The following ACOT11 variants were observed in gnomAD, a reference collection of about 807,000 sequenced individuals.
ACOT11 encodes acyl-CoA thioesterase 11.
ACOT11 carries 69 observed loss-of-function variants against 77.5 expected under a neutral mutation model. The ratio of observed to expected loss-of-function variants is 0.89; its 90% CI spans 0.73 to 1.09. ACOT11 has a LOEUF of 1.09. Ranked by LOEUF, ACOT11 falls within the 50% of genes least tolerant of loss-of-function variation. ACOT11 has a pLI of 0.00. For synonymous variants in ACOT11, 279 were observed against 313.0 expected, an observed-to-expected ratio of 0.89 and a Z score of 1.15; for missense variants, 766 against 813.7, an observed-to-expected ratio of 0.94 and a Z score of 0.71.
Position 54,601,250 on chromosome 1 carries a change from C to A in ACOT11, c.885-19C>A. The stretch of plus-strand genomic sequence containing the variant: ...TGGGAAGGTCTGTCCAGGTTGGAAG[C>A]CACACTCCCTCCCCTCAGCATGGAG... On this transcript the variant is annotated intron_variant, in intron 8 of 15. Coordinates refer to ENST00000343744, the MANE Select transcript of ACOT11 (RefSeq NM_147161.4). 2 of 1,604,896 alleles carry A rather than the reference C, an allele frequency of 1.2e-6. No homozygotes were observed.
At chr1:54,573,707 T>C (rs1654001719) in intron 1 of ACOT11, among the ~76,000 whole-genome samples, 1 of 151,844 alleles carries the variant, frequency 6.6e-6, no homozygotes, top group Non-Finnish European at 1.5e-5. Flanking sequence ...CATTCCAGCC[T>C]GGGTGACAGA....
chr1:54,572,539 G>A (rs1205361073), intron 1 of ACOT11, among the ~76,000 whole-genome samples: 1 of 152,156 alleles, frequency 6.6e-6, no homozygotes, highest in Non-Finnish European at 1.5e-5. Flanking sequence ...CATGGGTTCT[G>A]TACTGGGTGC....
At chr1:54,567,564 C>A (rs1351186186) in intron 1 of ACOT11, among the ~76,000 whole-genome samples, 1 of 152,162 alleles carries the variant, frequency 6.6e-6, no homozygotes, top group African/African-American at 2.4e-5. Flanking sequence ...CAGGCGTGAG[C>A]CACTGTGCCT....
At chr1:54,597,143 T>C in intron 6 of ACOT11, 116 bp from the exon 7 acceptor site, 1 of 1,350,386 alleles carries the variant, frequency 7.4e-7, no homozygotes, top group South Asian at 1.2e-5. Flanking sequence ...GCTGAGTAAA[T>C]AAAAGAACCT....
At chr1:54,611,616 CT>C (rs1182274513), downstream of ACOT11, 3 of 1,613,994 alleles carry the variant, frequency 1.9e-6, no homozygotes, top group Non-Finnish European at 2.5e-6. Context: ...AGGCCAGCTG[CT>C]TGAACTGTGA....
At chr1:54,611,775 G>C (rs1644121609), downstream of ACOT11, 2 of 1,613,050 alleles carry the variant, frequency 1.2e-6, no homozygotes, top group East Asian at 2.2e-5. Flanking sequence ...CTCAGTGCCT[G>C]TCTGGGCCCA....
chr1:54,634,763 C>T lies in ACOT11; in HGVS notation c.*34C>T, dbSNP rs1644321664. ...CATGAGCCAGATGCCAAGGAAGAGA[C>T]TCTGGGAGGATCCAGAGGACCCCCT... is the stretch of plus-strand genomic sequence containing the variant. On this transcript the variant is annotated 3_prime_UTR_variant, in exon 17 of 17. Coordinates refer to the ACOT11 transcript ENST00000371316. 5.7e-6 allele frequency: 4 copies of T among 701,326 alleles called. No individual in the cohort carries two copies. In the East Asian group the frequency reaches 8.1e-5, roughly 14 times the overall value. 43.4% of individuals were successfully genotyped at this position (701,326 alleles called of 1,614,324 possible).
chr1:54,638,460 C>T (rs767631232), exon 17 of ACOT11: 1 of 152,168 alleles, frequency 6.6e-6, no homozygotes, highest in African/African-American at 2.4e-5. Context: ...CGGGTTCAGG[C>T]AATTCTTGTG....
At chr1:54,623,509 C>T (rs1000157062) in intron 15 of ACOT11, 8 of 769,374 alleles carry the variant, frequency 1.0e-5, no homozygotes, top group East Asian at 2.4e-5. Flanking sequence ...AATTCTCCAC[C>T]GGGCCTGGTC....
chr1:54,613,402 G>A (rs147860374), downstream of ACOT11, among the ~76,000 whole-genome samples: 498 of 150,922 alleles, frequency 3.3e-3, 2 homozygotes, highest in Non-Finnish European at 5.9e-3. Context: ...TTTTTTTCCT[G>A]TCTTCCTGCT....
At chr1:54,596,327 C>T (rs1654896381) in intron 6 of ACOT11, among the ~76,000 whole-genome samples, 1 of 152,210 alleles carries the variant, frequency 6.6e-6, no homozygotes. Flanking sequence ...AGGGCAATGC[C>T]AGCTCTTTGA....
At chr1:54,611,209 G>A (rs1569780928), downstream of ACOT11, among the ~76,000 whole-genome samples, 2 of 152,082 alleles carry the variant, frequency 1.3e-5, no homozygotes, top group African/African-American at 4.8e-5. Flanking sequence ...CAAGGCGGGC[G>A]GATCACTTGA....
intron 1 of ACOT11, among the ~76,000 whole-genome samples, chr1:54,551,976 A>G (rs114050472): frequency 0.013 from 1,946 of 152,194 alleles, 19 homozygotes; most frequent in Non-Finnish European, 0.021. Flanking sequence ...GAACCTGAGG[A>G]CAGCTGGAGG....
At chr1:54,564,812 GT>G (rs1360095458) in intron 1 of ACOT11, among the ~76,000 whole-genome samples, 1 of 152,170 alleles carries the variant, frequency 6.6e-6, no homozygotes, top group Non-Finnish European at 1.5e-5. Context: ...GGTTGGGGCG[GT>G]GGGGGGTGAT....
chr1:54,567,226 G>T (rs2100956338), intron 1 of ACOT11, among the ~76,000 whole-genome samples: 1 of 151,400 alleles, frequency 6.6e-6, no homozygotes, highest in South Asian at 2.1e-4. Flanking sequence ...CCATCTGCCA[G>T]TCACTCATTC....
intron 7 of ACOT11, 154 bp downstream of exon 7, chr1:54,597,569 T>G: frequency 3.2e-6 from 3 of 937,180 alleles, no homozygotes; most frequent in Non-Finnish European, 4.6e-6. Flanking sequence ...TTTTGTGAAC[T>G]GACCATTCCT....
At chr1:54,618,586 G>C (rs1437393790) in intron 15 of ACOT11, among the ~76,000 whole-genome samples, 1 of 152,114 alleles carries the variant, frequency 6.6e-6, no homozygotes, top group East Asian at 1.9e-4. Context: ...GGGCTGACTT[G>C]CTTGGGGGTG....
At chr1:54,632,075 G>A (rs200784154) in intron 16 of ACOT11, among the ~76,000 whole-genome samples, 4 of 152,124 alleles carry the variant, frequency 2.6e-5, no homozygotes, top group African/African-American at 7.2e-5. Context: ...AAAAATCAGC[G>A]AGTCAGGCCA....
Position 54,607,865 on chromosome 1 carries a change from G to C in ACOT11, c.1503-77G>C, listed in dbSNP as rs1644047614. ...CTGTGCTAGAGGGGGCAGGGTCTCG[G>C]CCTTGGTTGGGCAGAACAGGCCCCC... On this transcript the variant is annotated intron_variant, in intron 14 of 15. Transcript: ENST00000343744. This position sits in a 1 kb window ranked among gnomAD's most constrained non-coding sequence, Gnocchi z 4.5. The C allele has an allele frequency of 6.3e-7, 1 of 1,581,748 alleles. No homozygotes were observed. Among genetic ancestry groups the C allele is most frequent in the Non-Finnish European group, 8.6e-7 (1 of 1,158,922 alleles).
Sources: allele counts gnomAD v4.1 joint callset (sites outside exome capture counted in the v4.1 genomes callset), GRCh38; gene constraint gnomAD v4.1.1; non-coding constraint Gnocchi (gnomAD v3.1); transcripts MANE v1.5; gene names NCBI Gene and HGNC (gene_info 2026-07-23, HGNC 2026-07-21).